The following DNAJC5B variants were observed in gnomAD, a reference collection of about 807,000 sequenced individuals.
DNAJC5B encodes the protein dnaJ homolog subfamily C member 5B.
A neutral mutation model predicts 24.7 loss-of-function variants in DNAJC5B; 23 were observed. The ratio of observed to expected loss-of-function variants is 0.93; its 90% CI spans 0.67 to 1.32. DNAJC5B has a LOEUF of 1.32. Among genes scored for constraint, DNAJC5B ranks in the 40% most tolerant of loss-of-function variants. The probability of loss-of-function intolerance (pLI) is 0.00; values close to 1 mark genes in which losing one functional copy is unlikely to be tolerated. For synonymous variants in DNAJC5B, 101 were observed against 90.1 expected (o/e 1.12, Z -0.68); for missense variants, 238 against 240.8 (o/e 0.99, Z 0.08).
intron 2 of DNAJC5B, among the ~76,000 whole-genome samples, chr8:66,048,247 T>A (rs1806766650): frequency 6.6e-6 from 1 of 152,124 alleles, no homozygotes; most frequent in African/African-American, 2.4e-5. Flanking sequence ...CTAGAGGGTA[T>A]TGCAAATGTT....
intron 1 of DNAJC5B, among the ~76,000 whole-genome samples, chr8:66,027,796 G>A (rs1384350078): frequency 6.6e-6 from 1 of 152,108 alleles, no homozygotes; most frequent in Non-Finnish European, 1.5e-5. Flanking sequence ...CTCATACTAT[G>A]TCCTTTCAAG....
chr8:66,083,748 G>T (rs1438155808), intron 5 of DNAJC5B, among the ~76,000 whole-genome samples: 1 of 152,148 alleles, frequency 6.6e-6, no homozygotes, highest in Non-Finnish European at 1.5e-5. Flanking sequence ...AAACAGAGTT[G>T]CTGCAAACCA....
intron 5 of DNAJC5B, among the ~76,000 whole-genome samples, chr8:66,085,711 C>A (rs1807709374): frequency 6.6e-6 from 1 of 152,014 alleles, no homozygotes; most frequent in Non-Finnish European, 1.5e-5. Flanking sequence ...TTAAAGTAAG[C>A]CTTAAAATCA....
intron 4 of DNAJC5B, among the ~76,000 whole-genome samples, chr8:66,077,710 C>T (rs536773718): frequency 6.6e-6 from 1 of 152,262 alleles, no homozygotes; most frequent in South Asian, 2.1e-4. Context: ...CTAGTAGTAT[C>T]TGTTTGCTAT....
At chr8:66,050,331 G>A (rs1183611184) in intron 2 of DNAJC5B, among the ~76,000 whole-genome samples, 1 of 152,116 alleles carries the variant, frequency 6.6e-6, no homozygotes, top group Non-Finnish European at 1.5e-5. Flanking sequence ...ACATGGAGAG[G>A]AATTTTATTG....
At chr8:66,020,592 CTCTGTGTGTGTG>C (rs1297657140), upstream of DNAJC5B, among the ~76,000 whole-genome samples, 57 of 136,202 alleles carry the variant, frequency 4.2e-4, no homozygotes, top group Middle Eastern at 7.7e-3. Flanking sequence ...GTAATCAATA[CTCTGTGTGTGTG>C]TGTGTGTGTG....
intron 1 of DNAJC5B, among the ~76,000 whole-genome samples, chr8:66,035,371 C>T (rs1434265515): frequency 6.6e-6 from 1 of 152,160 alleles, no homozygotes; most frequent in Non-Finnish European, 1.5e-5. Flanking sequence ...AAAGCAGGGT[C>T]TTTGGAGATG....
intron 3 of DNAJC5B, among the ~76,000 whole-genome samples, chr8:66,070,773 G>A (rs1807329161): frequency 6.6e-6 from 1 of 152,184 alleles, no homozygotes; most frequent in Non-Finnish European, 1.5e-5. Flanking sequence ...AACAAAGCTG[G>A]AGGCATCATG....
chr8:66,057,714 G>A (rs1380427380), intron 3 of DNAJC5B: 1 of 152,186 alleles, frequency 6.6e-6, no homozygotes, highest in Non-Finnish European at 1.5e-5. Flanking sequence ...ACACCCATTT[G>A]AATGGCAGCA....
chr8:66,020,706 C>T (rs28697209), upstream of DNAJC5B, among the ~76,000 whole-genome samples: 5,823 of 150,924 alleles, frequency 0.039, 266 homozygotes, highest in African/African-American at 0.11. Context: ...GGTGCAATCT[C>T]AACTCATTGC....
intron 2 of DNAJC5B, 130 bp from the exon 3 acceptor site, chr8:66,051,401 C>T (rs920291369): frequency 2.3e-5 from 15 of 642,088 alleles, no homozygotes; most frequent in East Asian, 1.3e-4. Context: ...CTTTTCTCCC[C>T]TCTTTTTGTA....
intron 5 of DNAJC5B, among the ~76,000 whole-genome samples, chr8:66,083,631 C>T (rs1807652655): frequency 6.6e-6 from 1 of 152,202 alleles, no homozygotes; most frequent in Non-Finnish European, 1.5e-5. Context: ...TTTGTAACAT[C>T]ACCTCTGGTT....
chr8:66,049,288 C>T (rs1445207692), intron 2 of DNAJC5B, among the ~76,000 whole-genome samples: 1 of 152,196 alleles, frequency 6.6e-6, no homozygotes, highest in African/African-American at 2.4e-5. Flanking sequence ...TACTGCATTG[C>T]CTGTTATATA....
intron 3 of DNAJC5B, among the ~76,000 whole-genome samples, chr8:66,070,533 C>T (rs1298422656): frequency 6.6e-6 from 1 of 152,146 alleles, no homozygotes; most frequent in African/African-American, 2.4e-5. Flanking sequence ...AACTACAAAC[C>T]ACTGCTCAAG....
At chr8:66,024,404 CT>C (rs989285742) in intron 1 of DNAJC5B, among the ~76,000 whole-genome samples, 1,843 of 109,324 alleles carry the variant, frequency 0.017, 14 homozygotes, top group East Asian at 0.039. Flanking sequence ...TTTCAGGATT[CT>C]TTTTTTTTTT....
chr8:66,030,381 T>C (rs1806333643), intron 1 of DNAJC5B, among the ~76,000 whole-genome samples: 2 of 152,228 alleles, frequency 1.3e-5, no homozygotes, highest in South Asian at 4.1e-4. Context: ...TGTCCTTTAT[T>C]CCTACCTAGA....
chr8:66,049,609 G>A (rs1037361949), intron 2 of DNAJC5B, among the ~76,000 whole-genome samples: 35 of 152,184 alleles, frequency 2.3e-4, no homozygotes, highest in Non-Finnish European at 4.7e-4. Context: ...TTCACACAAT[G>A]ATAAAATCCC....
intron 3 of DNAJC5B, among the ~76,000 whole-genome samples, chr8:66,069,753 C>G (rs913970596): frequency 6.6e-6 from 1 of 152,174 alleles, no homozygotes; most frequent in African/African-American, 2.4e-5. Flanking sequence ...AGAGACACAA[C>G]AAGAAAAGAA....
intron 5 of DNAJC5B, among the ~76,000 whole-genome samples, chr8:66,099,064 A>AC (rs781063835): frequency 6.1e-5 from 9 of 147,084 alleles, no homozygotes; most frequent in African/African-American, 2.4e-4. Flanking sequence ...ACACACACAC[A>AC]ACTTCTATTT....
Sources: gnomAD v4.1 joint callset for allele counts (sites outside exome capture counted in the v4.1 genomes callset) on GRCh38, gnomAD v4.1.1 for gene constraint, MANE v1.5 for transcripts, NCBI Gene and HGNC (gene_info 2026-07-23, HGNC 2026-07-21) for gene names.